The following NAV1 variants were observed in gnomAD, a reference collection of about 807,000 sequenced individuals.
NAV1 encodes neuron navigator 1.
A neutral mutation model predicts 175.2 loss-of-function variants in NAV1; 18 were observed. The observed-to-expected ratio is 0.10, with a 90% CI of 0.07 to 0.15. The LOEUF is 0.15. Among genes scored for constraint, NAV1 ranks in the 10% least tolerant of loss-of-function variants. The pLI is 1.00. For synonymous variants in NAV1, 897 were observed against 978.7 expected (o/e 0.92, Z 1.56); for missense variants, 1,731 against 2,436.6 (o/e 0.71, Z 6.10).
rs1463438754 is a variant in NAV1 at position 201,807,624 on chromosome 1, A to C, written c.3649-329A>C. ...ACCCAGGAAGTTCCCATAGCCTACA[A>C]CATCAGCAAGCTAGAAGATTCTGTT... On this transcript the variant is annotated intron_variant, in intron 17 of 29. Transcript: ENST00000367296. The surrounding 1 kb of genome is among the most constrained non-coding windows in gnomAD (Gnocchi z 5.4). 2.0e-5 allele frequency among the ~76,000 whole-genome samples: 3 copies of C among 152,204 alleles called. No homozygotes were observed. Among genetic ancestry groups the C allele is most frequent in the Non-Finnish European group, 4.4e-5 (3 of 68,030 alleles).
chr1:201,817,343 C>G (rs1365944714), intron 29 of NAV1, 58 bp downstream of exon 33: 1 of 1,516,324 alleles, frequency 6.6e-7, no homozygotes, highest in Admixed American at 1.9e-5. Flanking sequence ...AATTATTGAC[C>G]AGCAGGGTGG....
chr1:201,637,779 T>G (rs1257012443), intron 2 of NAV1, among the ~76,000 whole-genome samples: 1 of 151,956 alleles, frequency 6.6e-6, no homozygotes, highest in Non-Finnish European at 1.5e-5. Context: ...CTGCCTGGAG[T>G]TTTCCCTCAC....
At chr1:201,545,816 G>T (rs1278231971) in intron 1 of NAV1, among the ~76,000 whole-genome samples, 1 of 152,202 alleles carries the variant, frequency 6.6e-6, no homozygotes, top group Non-Finnish European at 1.5e-5. Context: ...AAGGCATAAA[G>T]GAACGAGTCT....
chr1:201,591,541 G>A (rs536894816), intron 2 of NAV1, among the ~76,000 whole-genome samples: 1 of 152,338 alleles, frequency 6.6e-6, no homozygotes, highest in East Asian at 1.9e-4. Context: ...GGTGTGAGGA[G>A]CTAGGTTGGC....
At chr1:201,785,059 C>T (rs1251282670) in intron 7 of NAV1, among the ~76,000 whole-genome samples, 1 of 152,204 alleles carries the variant, frequency 6.6e-6, no homozygotes, top group South Asian at 2.1e-4. Context: ...TGAGCTACGG[C>T]GCCCGGCCTA....
chr1:201,551,768 C>T (rs1294181745), intron 1 of NAV1, among the ~76,000 whole-genome samples: 1 of 152,182 alleles, frequency 6.6e-6, no homozygotes, highest in African/African-American at 2.4e-5. Context: ...TTCTGTTTCT[C>T]ATTTTCTCAT....
chr1:201,742,408 T>C (rs1437296351), intron 3 of NAV1, among the ~76,000 whole-genome samples: 1 of 152,192 alleles, frequency 6.6e-6, no homozygotes, highest in Non-Finnish European at 1.5e-5. Flanking sequence ...GCCTCTTCAT[T>C]GTTTCAGAGC....
intron 1 of NAV1, among the ~76,000 whole-genome samples, chr1:201,556,638 A>C (rs1357068681): frequency 2.0e-5 from 3 of 152,048 alleles, no homozygotes; most frequent in Admixed American, 6.6e-5. Flanking sequence ...GCAAGGGGAG[A>C]AAAATACTTG....
intron 1 of NAV1, among the ~76,000 whole-genome samples, chr1:201,557,456 C>T (rs1479431917): frequency 6.6e-6 from 1 of 152,188 alleles, no homozygotes; most frequent in African/African-American, 2.4e-5. Context: ...ATTTACTCCC[C>T]ATGGGGAGAT....
At chr1:201,687,914 C>T (rs995984787) in intron 1 of NAV1, among the ~76,000 whole-genome samples, 3 of 152,204 alleles carry the variant, frequency 2.0e-5, no homozygotes, top group Non-Finnish European at 4.4e-5. Flanking sequence ...CAACCACCTC[C>T]AGCAGTGTCA....
rs1238468175 is a variant in NAV1, at chr1:201,741,000, G to A, written c.1226+22245G>A. On this transcript the variant is annotated intron_variant, in intron 3 of 29. Transcript: ENST00000367296. The surrounding 1 kb of genome is among the most constrained non-coding windows in gnomAD (Gnocchi z 4.7). ...TTCCCCTCAGCCTCCCGCAGACCTG[G>A]GAAGTTGGAGGTTGGGCCCTATGCC... Among the ~76,000 whole-genome samples, 1 of 152,072 alleles carries A rather than the reference G, an allele frequency of 6.6e-6. No homozygotes were observed. The highest frequency in any genetic ancestry group is 2.4e-5 in the African/African-American group (1 of 41,404).
chr1:201,718,405 C>G lies in NAV1; in HGVS notation c.876C>G (p.Thr292=). ...CTCCACCCAGCTCCCTGGAGATGACCTGCTACGACAGCGATGATGCCAACC... is the reference window on the plus strand; with the variant it reads ...CTCCACCCAGCTCCCTGGAGATGACGTGCTACGACAGCGATGATGCCAACC... Residue 292 remains threonine (T), a synonymous_variant, in exon 3 of 30, where the codon ACC becomes ACG. Coordinates refer to ENST00000367296, the Ensembl canonical transcript of NAV1. The surrounding 1 kb of genome is among the most constrained non-coding windows in gnomAD (Gnocchi z 4.8). The G allele has an allele frequency of 2.6e-6, 4 of 1,541,156 alleles. No individual in the cohort carries two copies. The highest frequency in any genetic ancestry group is 3.5e-6 in the Non-Finnish European group (4 of 1,138,578).
rs776881109 is a variant in NAV1, at chr1:201,808,192, G to A, written c.3845+43G>A. ...CCCTGCCACCCAGCCTGTTACCAGT[G>A]TAAGCTGTGGGCTAGAGTTGACAGG... On this transcript the variant is annotated intron_variant, in intron 18 of 29. Transcript: ENST00000367296. This position sits in a 1 kb window ranked among gnomAD's most constrained non-coding sequence, Gnocchi z 5.5. The A allele has an allele frequency of 1.9e-6, 3 of 1,603,756 alleles. No homozygotes were observed. Among genetic ancestry groups the A allele is most frequent in the Admixed American group, 1.7e-5 (1 of 59,734 alleles).
chr1:201,602,657 T>TTTTG (rs1161404391), intron 2 of NAV1, among the ~76,000 whole-genome samples: 27 of 125,002 alleles, frequency 2.2e-4, no homozygotes, highest in African/African-American at 7.2e-4. Flanking sequence ...TTTGGTTTTT[T>TTTTG]TTTTTTTTGG....
At chr1:201,713,170 G>A (rs995446292) in intron 2 of NAV1, among the ~76,000 whole-genome samples, 4 of 152,174 alleles carry the variant, frequency 2.6e-5, no homozygotes, top group African/African-American at 4.8e-5. Context: ...ACTAGCTTAG[G>A]AGCCAGGAAG....
chr1:201,793,992 C>T, intron 14 of NAV1, 117 bp downstream of exon 18: 1 of 823,378 alleles, frequency 1.2e-6, no homozygotes, highest in Non-Finnish European at 2.0e-6. Flanking sequence ...CCCCACCTCA[C>T]TGTCACCCTG....
chr1:201,597,480 A>T (rs1238619357), intron 2 of NAV1, among the ~76,000 whole-genome samples: 1 of 152,244 alleles, frequency 6.6e-6, no homozygotes, highest in African/African-American at 2.4e-5. Flanking sequence ...AGACTATCAC[A>T]TAATCTCCTA....
At chr1:201,791,085 G>T in intron 13 of NAV1, 1 of 309,294 alleles carries the variant, frequency 3.2e-6, no homozygotes, top group Middle Eastern at 1.0e-3. Context: ...AAACAACCTT[G>T]CCATTGGCCA....
In NAV1 at chr1:201,810,151, G is replaced by A. The variant is rs771028965; in HGVS notation, c.4561+46G>A. The A allele has an allele frequency of 1.3e-6, 2 of 1,598,166 alleles. No individual in the cohort carries two copies. Among genetic ancestry groups the A allele is most frequent in the South Asian group, 1.1e-5 (1 of 90,020 alleles). The stretch of plus-strand genomic sequence containing the variant: ...GTGAGGTGGTGTGGCATGAAGGCAG[G>A]GACAGGATCATCAAATAATCCATCA... On this transcript the variant is annotated intron_variant, in intron 23 of 29. Transcript: ENST00000367296. This position sits in a 1 kb window ranked among gnomAD's most constrained non-coding sequence, Gnocchi z 6.0.
Sources: gnomAD v4.1 joint callset for allele counts (sites outside exome capture counted in the v4.1 genomes callset) on GRCh38, gnomAD v4.1.1 for gene constraint, Gnocchi (gnomAD v3.1) non-coding constraint, MANE v1.5 for transcripts, NCBI Gene and HGNC (gene_info 2026-07-23, HGNC 2026-07-21) for gene names.